TSPAN17: variants seen among roughly 807,000 people sequenced by gnomAD.
The protein encoded by TSPAN17 is tetraspanin-17.
TSPAN17 carries 33 observed loss-of-function variants against 40.5 expected under a neutral mutation model. The observed-to-expected ratio is 0.81, with a 90% CI of 0.62 to 1.09. TSPAN17 has a LOEUF of 1.09. Ranked by LOEUF, TSPAN17 falls within the 50% of genes least tolerant of loss-of-function variation. The pLI, the probability that TSPAN17 is intolerant of heterozygous loss-of-function variation, is 0.00. For missense variants in TSPAN17, 365 were observed against 416.8 expected (o/e 0.88, Z 1.08); for synonymous variants, 166 against 169.4 (o/e 0.98, Z 0.15).
chr5:176,653,619 C>T (rs1761047432), intron 4 of TSPAN17: 1 of 152,434 alleles, frequency 6.6e-6, no homozygotes, highest in Non-Finnish European at 1.5e-5. Context: ...CACATGGTCC[C>T]ACAGTCACAC....
chr5:176,647,836 C>A (rs868564920), intron 1 of TSPAN17, 134 bp downstream of exon 1: 8 of 845,306 alleles, frequency 9.5e-6, no homozygotes, highest in Non-Finnish European at 1.4e-5. Flanking sequence ...CTGCCACACC[C>A]ACGCCCACTT....
At position 176,656,708 on chromosome 5, in the gene TSPAN17, G is replaced by A. The variant is rs200138829; in HGVS notation, c.639G>A (p.Glu213=). ...GYDVRLKLEL[E]QQGFIHTKGC... ...TGCCTGCGTGTCCCCAGGAGCTGGA[G>A]CAGCAGGGCTTCATCCACACCAAAG... Residue 213 remains glutamate, a synonymous_variant, in exon 7 of 9, where the codon GAG becomes GAA. Coordinates refer to ENST00000508164, the MANE Select transcript of TSPAN17 (RefSeq NM_130465.5). The A allele has an allele frequency of 1.9e-6, 3 of 1,614,158 alleles. No individual in the cohort carries two copies. The highest frequency in any genetic ancestry group is 2.5e-6 in the Non-Finnish European group (3 of 1,180,002).
chr5:176,652,804 T>C lies in TSPAN17; in HGVS notation c.347T>C (p.Val116Ala). Reference protein sequence around the residue: ...LELATGILAFVFKDWIRDQLN... With the variant: ...LELATGILAFAFKDWIRDQLN... ...CTGGCAACAGGGATCCTGGCCTTTG[T>C]CTTCAAGGACTGGATTCGAGACCAG... The change falls in exon 4 of 9, where the codon GTC becomes GCC. Residue 116 changes from valine to alanine, a missense_variant. Coordinates refer to ENST00000508164, the MANE Select transcript of TSPAN17 (RefSeq NM_130465.5). The C allele has an allele frequency of 5.6e-6, 9 of 1,614,158 alleles. No homozygotes were observed. The highest frequency in any genetic ancestry group is 6.8e-6 in the Non-Finnish European group (8 of 1,180,012).
At chr5:176,652,140 C>G (rs1760992419) in intron 3 of TSPAN17, among the ~76,000 whole-genome samples, 1 of 152,152 alleles carries the variant, frequency 6.6e-6, no homozygotes, top group Admixed American at 6.5e-5. Flanking sequence ...GTGCTGGCTG[C>G]CGGTGCATTT....
At position 176,650,383 on chromosome 5, in the gene TSPAN17, A is replaced by G. The variant is rs1413148381; in HGVS notation, c.88-1233A>G. Among the ~76,000 whole-genome samples, 2 of 152,112 alleles carry G rather than the reference A, an allele frequency of 1.3e-5. No homozygotes were observed. The highest frequency in any genetic ancestry group is 4.8e-5 in the African/African-American group (2 of 41,430). On this transcript the variant is annotated intron_variant, in intron 1 of 8. Transcript: ENST00000508164. The surrounding 1 kb of genome is among the most constrained non-coding windows in gnomAD (Gnocchi z 4.0). ...GCTCACTTCCCAGCTGTTTTCCCAA[A>G]GTGCTTTAATTGTATTTCCTTGGCT...
At position 176,656,887 on chromosome 5, in the gene TSPAN17, T is replaced by C. The variant is rs1391648357; in HGVS notation, c.748-8T>C. 2 of 1,614,182 alleles carry C rather than the reference T, an allele frequency of 1.2e-6. No homozygotes were observed. Among genetic ancestry groups the C allele is most frequent in the Admixed American group, 1.7e-5 (1 of 60,034 alleles). ...TCACTCTCCCCTCACCTGTCCTCTGTCTTACAGATCTTTGGCATCTGCCTG... is the reference window on the plus strand; with the variant it reads ...TCACTCTCCCCTCACCTGTCCTCTGCCTTACAGATCTTTGGCATCTGCCTG... On this transcript the variant is annotated splice_polypyrimidine_tract_variant and splice_region_variant and intron_variant, in intron 7 of 8. Coordinates refer to ENST00000508164, the MANE Select transcript of TSPAN17 (RefSeq NM_130465.5).
Position 176,654,611 on chromosome 5 carries a change from A to T in TSPAN17, c.457-284A>T, listed in dbSNP as rs1382637242. ...CCTGCCTCTCAGGTAGTCTGGAGGA[A>T]GCCACAGTCATTGAACCAGTATCCT... is the stretch of plus-strand genomic sequence containing the variant. On this transcript the variant is annotated intron_variant, in intron 4 of 8. Transcript: ENST00000508164. This position sits in a 1 kb window ranked among gnomAD's most constrained non-coding sequence, Gnocchi z 4.3. 7.5e-6 allele frequency: 3 copies of T among 398,914 alleles called. No individual in the cohort carries two copies. The East Asian group carries it at 1.5e-4, about 21-fold the overall frequency. 24.7% of individuals were successfully genotyped at this position (398,914 alleles called of 1,614,324 possible). A position where few individuals can be genotyped will look rare whatever the true frequency, so the allele number is the denominator to read the frequency against.
Position 176,656,081 on chromosome 5 carries a change from G to A in TSPAN17, c.586G>A (p.Asp196Asn), listed in dbSNP as rs182317818. ...TAACTGGCCTGTCTCCCCTCAGGAGGATGTCCTCAACACCCAGTGTGGCTA... is the reference window on the plus strand; with the variant it reads ...TAACTGGCCTGTCTCCCCTCAGGAGAATGTCCTCAACACCCAGTGTGGCTA... ...FSCCVRDPAEDVLNTQCGYDV... is the reference protein window; with the variant it reads ...FSCCVRDPAENVLNTQCGYDV... The change falls in exon 6 of 9, where the codon GAT (aspartate) becomes AAT (asparagine). Residue 196 changes from aspartate to asparagine, a missense_variant. By Grantham distance (23) the Asp-to-Asn change is conservative. Coordinates refer to ENST00000508164, the MANE Select transcript of TSPAN17 (RefSeq NM_130465.5). 29 of 1,614,180 alleles carry A rather than the reference G, an allele frequency of 1.8e-5. No individual in the cohort carries two copies. In the African/African-American group the frequency reaches 3.7e-4, roughly 21 times the overall value.
In TSPAN17 at chr5:176,656,725, A is replaced by AAGGCTT; in HGVS notation, c.656_657insAGGCTT (p.His219delinsGlnGlyPhe). 3.1e-6 allele frequency: 5 copies of AAGGCTT among 1,614,150 alleles called. No individual in the cohort carries two copies. Among genetic ancestry groups the AAGGCTT allele is most frequent in the Non-Finnish European group, 2.5e-6 (3 of 1,179,988 alleles). ...GAGCTGGAGCAGCAGGGCTTCATCCACACCAAAGGCTGCGTGGGCCAGTTT... is the reference window on the plus strand; with the variant it reads ...GAGCTGGAGCAGCAGGGCTTCATCCAAGGCTTCACCAAAGGCTGCGTGGGCCAGTTT... On this transcript the variant is annotated protein_altering_variant, in exon 7 of 9. Transcript: ENST00000508164.
In TSPAN17 at chr5:176,656,967, C is replaced by A. The variant is rs1170811468; in HGVS notation, c.809+11C>A. The A allele has an allele frequency of 6.2e-7, 1 of 1,611,536 alleles. No individual in the cohort carries two copies. The highest frequency in any genetic ancestry group is 2.2e-5 in the East Asian group (1 of 44,794). On this transcript the variant is annotated intron_variant, in intron 8 of 8. Transcript: ENST00000508164. ...AGTGAAAGCCAACTGGTGAGGCCGCCAGAGGCCATGGCCACATGCCTGGCC... is the reference window on the plus strand; with the variant it reads ...AGTGAAAGCCAACTGGTGAGGCCGCAAGAGGCCATGGCCACATGCCTGGCC...
At chr5:176,655,084 C>T in intron 5 of TSPAN17, 64 bp downstream of exon 5, 1 of 1,530,898 alleles carries the variant, frequency 6.5e-7, no homozygotes, top group South Asian at 1.2e-5. Context: ...GAGAAACCTC[C>T]CACAGGGCCC....
chr5:176,653,026 C>T lies in TSPAN17; in HGVS notation c.456+113C>T, dbSNP rs1023152496. The T allele has an allele frequency of 2.0e-5, 24 of 1,201,526 alleles. No homozygotes were observed. In the Admixed American group the frequency reaches 4.7e-4, roughly 23 times the overall value. 74.4% of individuals were successfully genotyped at this position (1,201,526 alleles called of 1,614,324 possible). ...CTCCTTACCCACCTGGGCTAGCGGG[C>T]CCCAGGAGAGAGACCCAGGAGTGTC... On this transcript the variant is annotated intron_variant, in intron 4 of 8. Coordinates refer to ENST00000508164, the MANE Select transcript of TSPAN17 (RefSeq NM_130465.5).
At chr5:176,655,577 T>C (rs1232113283) in intron 5 of TSPAN17, among the ~76,000 whole-genome samples, 2 of 152,218 alleles carry the variant, frequency 1.3e-5, no homozygotes, top group East Asian at 3.9e-4. Context: ...GCAGGCAGGA[T>C]TCCTGAACGG....
intron 5 of TSPAN17, among the ~76,000 whole-genome samples, chr5:176,655,725 T>C (rs1383986355): frequency 8.3e-6 from 1 of 120,758 alleles, no homozygotes; most frequent in African/African-American, 3.1e-5. Context: ...CAGTGAGACC[T>C]CGTGTCTACA....
rs1472864231 is a variant in TSPAN17, at chr5:176,654,663, C to T, written c.457-232C>T. 1 of 530,238 alleles carries T rather than the reference C, an allele frequency of 1.9e-6. No individual in the cohort carries two copies. Among genetic ancestry groups the T allele is most frequent in the Non-Finnish European group, 3.4e-6 (1 of 297,458 alleles). 32.8% of individuals were successfully genotyped at this position (530,238 alleles called of 1,614,324 possible). A position where few individuals can be genotyped will look rare whatever the true frequency, so the allele number is the denominator to read the frequency against. On this transcript the variant is annotated intron_variant, in intron 4 of 8. Coordinates refer to ENST00000508164, the MANE Select transcript of TSPAN17 (RefSeq NM_130465.5). The surrounding 1 kb of genome is among the most constrained non-coding windows in gnomAD (Gnocchi z 4.3). ...GTCCCACTCCCTCCCTTTTTCTAGC[C>T]TCTCTTGGGTCGGGGAAGGGGGAGC... is the stretch of plus-strand genomic sequence containing the variant.
In TSPAN17 at chr5:176,652,286, G is replaced by T. The variant is rs761496350; in HGVS notation, c.285+386G>T. Among the ~76,000 whole-genome samples, 12 of 152,208 alleles carry T rather than the reference G, an allele frequency of 7.9e-5. 1 individual carries two copies. The highest frequency in any genetic ancestry group is 6.5e-5 in the Admixed American group (1 of 15,280). ...TCCCCATGCCCTCCCAGGAACTCCT[G>T]CTGGAGGCTGAGAGCTCTCTTCCCA... is the stretch of plus-strand genomic sequence containing the variant. On this transcript the variant is annotated intron_variant, in intron 3 of 8. Coordinates refer to ENST00000508164, the MANE Select transcript of TSPAN17 (RefSeq NM_130465.5).
intron 5 of TSPAN17, among the ~76,000 whole-genome samples, chr5:176,655,291 C>A (rs4868676): frequency 0.54 from 82,324 of 152,028 alleles, 23,449 homozygotes; most frequent in Non-Finnish European, 0.61. Flanking sequence ...CACCCTATAC[C>A]TCTACATAAA....
At chr5:176,653,132 C>G in intron 4 of TSPAN17, 1 of 487,126 alleles carries the variant, frequency 2.1e-6, no homozygotes, top group Admixed American at 3.3e-5. Flanking sequence ...CCTTGGGAAA[C>G]AGAGGGCATG....
At position 176,654,590 on chromosome 5, in the gene TSPAN17, C is replaced by T. The variant is rs13182989; in HGVS notation, c.457-305C>T. On this transcript the variant is annotated intron_variant, in intron 4 of 8. Coordinates refer to ENST00000508164, the MANE Select transcript of TSPAN17 (RefSeq NM_130465.5). This position sits in a 1 kb window ranked among gnomAD's most constrained non-coding sequence, Gnocchi z 4.3. The stretch of plus-strand genomic sequence containing the variant: ...GCCACAGGGCTTGGCCCAGCGCCTG[C>T]CTCTCAGGTAGTCTGGAGGAAGCCA... 72,162 of 335,364 alleles carry T rather than the reference C, an allele frequency of 0.22. 9,226 individuals are homozygous for T. Among genetic ancestry groups the T allele is most frequent in the East Asian group, 0.4 (5,909 of 14,610 alleles). The allele number at this position is 335,364 out of a possible 1,614,324, so 20.8% of individuals were successfully genotyped here.
Sources: gnomAD v4.1 joint callset for allele counts (sites outside exome capture counted in the v4.1 genomes callset) on GRCh38, gnomAD v4.1.1 for gene constraint, Gnocchi (gnomAD v3.1) non-coding constraint, MANE v1.5 for transcripts, NCBI Gene and HGNC (gene_info 2026-07-23, HGNC 2026-07-21) for gene names.